The following CDH23 variants were observed in gnomAD, a reference collection of about 807,000 sequenced individuals.
CDH23 encodes the protein cadherin-23.
In CDH23, 189 loss-of-function variants were observed where a neutral mutation model predicts 317.1. The ratio of observed to expected loss-of-function variants is 0.60; its 90% CI spans 0.53 to 0.67. The LOEUF is 0.67. Among genes scored for constraint, CDH23 ranks in the 30% least tolerant of loss-of-function variants. The probability of loss-of-function intolerance (pLI) is 0.00; values close to 1 mark genes in which losing one functional copy is unlikely to be tolerated. For synonymous variants in CDH23, 1,839 were observed against 1,876.8 expected (o/e 0.98, Z 0.52); for missense variants, 4,401 against 4,592.4 (o/e 0.96, Z 1.20).
At chr10:71,508,240 T>C (rs1853755381) in intron 3 of CDH23, 1 of 152,240 alleles carries the variant, frequency 6.6e-6, no homozygotes, top group South Asian at 2.1e-4. Context: ...GTCCAATGTC[T>C]TCCTTTTCCA....
At chr10:71,674,523 C>G (rs1290658681) in intron 14 of CDH23, among the ~76,000 whole-genome samples, 1 of 152,180 alleles carries the variant, frequency 6.6e-6, no homozygotes, top group Non-Finnish European at 1.5e-5. Context: ...GGGAAGAGAG[C>G]AGAGGTCACA....
At chr10:71,812,101 G>A (rs1589439119) in intron 66 of CDH23, 86 bp downstream of exon 66, 2 of 1,608,934 alleles carry the variant, frequency 1.2e-6, no homozygotes, top group Middle Eastern at 1.7e-4. Flanking sequence ...CCCAGCGCTG[G>A]GGCTGCCGAA....
chr10:71,484,312 G>A lies in CDH23; in HGVS notation c.146-25770G>A, dbSNP rs184563522. Among the ~76,000 whole-genome samples, 15 of 152,348 alleles carry A rather than the reference G, an allele frequency of 9.8e-5. No individual in the cohort carries two copies. The East Asian group carries it at 2.9e-3, about 29-fold the overall frequency. On this transcript the variant is annotated intron_variant, in intron 3 of 69. Coordinates refer to ENST00000224721, the MANE Select transcript of CDH23 (RefSeq NM_022124.6). ...GCAGACAGGGCCAAAGTGCTTGCAA[G>A]ACACCTGCCAAGTACCGTCCTCTCT...
chr10:71,487,903 T>G (rs889549893), intron 3 of CDH23, among the ~76,000 whole-genome samples: 1 of 152,264 alleles, frequency 6.6e-6, no homozygotes, highest in Non-Finnish European at 1.5e-5. Context: ...TTTTGCTTAT[T>G]AATGCTCTTT....
intron 3 of CDH23, among the ~76,000 whole-genome samples, chr10:71,500,508 T>C (rs116305047): frequency 0.01 from 1,587 of 152,262 alleles, 24 homozygotes; most frequent in African/African-American, 0.035. Flanking sequence ...AAAGCCAGGG[T>C]GCTAGAGGGG....
At chr10:71,443,681 C>T (rs886582690) in intron 2 of CDH23, among the ~76,000 whole-genome samples, 1 of 152,232 alleles carries the variant, frequency 6.6e-6, no homozygotes, top group Admixed American at 6.5e-5. Context: ...AGAGAGGGGT[C>T]CTGCACTTGG....
chr10:71,718,560 C>A (rs1866400206), intron 28 of CDH23, among the ~76,000 whole-genome samples: 3 of 152,230 alleles, frequency 2.0e-5, no homozygotes, highest in Non-Finnish European at 2.9e-5. Flanking sequence ...TGGGGTGTGC[C>A]CACCGCTCAT....
intron 38 of CDH23, among the ~76,000 whole-genome samples, chr10:71,763,263 C>T (rs1265147271): frequency 6.6e-6 from 1 of 152,250 alleles, no homozygotes; most frequent in Admixed American, 6.5e-5. Flanking sequence ...CTGCCTTGGC[C>T]TCTCAAAGTC....
In CDH23 at chr10:71,690,463, T is replaced by C. The variant is rs1471610985; in HGVS notation, c.2060-5T>C. ...CCCCCTGCCCCCACCTTTTTCCCCC[T>C]GAAGGAGCCACGGTGCTGTTCCTGA... On this transcript the variant is annotated splice_region_variant and splice_polypyrimidine_tract_variant and intron_variant, in intron 19 of 69. Transcript: ENST00000224721. 1 of 1,590,238 alleles carries C rather than the reference T, an allele frequency of 6.3e-7. No homozygotes were observed. The highest frequency in any genetic ancestry group is 1.3e-5 in the African/African-American group (1 of 74,436).
intron 9 of CDH23, among the ~76,000 whole-genome samples, chr10:71,593,235 G>T (rs1225284395): frequency 6.6e-6 from 1 of 152,200 alleles, no homozygotes; most frequent in South Asian, 2.1e-4. Flanking sequence ...AGGAAAGGAT[G>T]ACTTGTTTAG....
At chr10:71,532,700 C>CTTTTT (rs1855446648) in intron 6 of CDH23, among the ~76,000 whole-genome samples, 2 of 131,544 alleles carry the variant, frequency 1.5e-5, no homozygotes, top group Admixed American at 7.8e-5. Flanking sequence ...GGCAAGTTTT[C>CTTTTT]TTTTGTTTTT....
chr10:71,519,984 A>G (rs1854572241), intron 6 of CDH23, among the ~76,000 whole-genome samples: 2 of 151,952 alleles, frequency 1.3e-5, no homozygotes, highest in Non-Finnish European at 2.9e-5. Flanking sequence ...GGCCACCAGC[A>G]TTTTGTAGAG....
chr10:71,671,871 G>A (rs1280461803), intron 14 of CDH23, among the ~76,000 whole-genome samples: 1 of 152,156 alleles, frequency 6.6e-6, no homozygotes, highest in Non-Finnish European at 1.5e-5. Flanking sequence ...GTGGAGTTCT[G>A]GTCAAAATTA....
intron 55 of CDH23, 84 bp downstream of exon 55, chr10:71,803,504 A>C: frequency 8.0e-7 from 1 of 1,252,656 alleles, no homozygotes; most frequent in Non-Finnish European, 1.1e-6. Context: ...CCCCACTCTA[A>C]AGGTGGGGAA....
At chr10:71,510,054 C>T (rs759540236) in intron 3 of CDH23, 28 bp from the exon 4 acceptor site, 2 of 1,613,914 alleles carry the variant, frequency 1.2e-6, no homozygotes, top group Non-Finnish European at 1.7e-6. Context: ...TCTTATTTTC[C>T]CTCTGCTCTC....
intron 9 of CDH23, among the ~76,000 whole-genome samples, chr10:71,583,225 G>A (rs1317191917): frequency 1.3e-5 from 2 of 150,260 alleles, no homozygotes; most frequent in Non-Finnish European, 3.0e-5. Flanking sequence ...GCGTGGCCGG[G>A]CAGAGTGCAC....
rs776230069 is a variant in CDH23, at chr10:71,759,846, C to CACATACACACACACACACAT, written c.4846-17833_4846-17832insCATACACACACACACACATA. On this transcript the variant is annotated intron_variant, in intron 38 of 69. Coordinates refer to ENST00000224721, the MANE Select transcript of CDH23 (RefSeq NM_022124.6). ...ACACACACACACACACACACACACA[C>CACATACACACACACACACAT]ATATACACACACACACACATATATA... Among the ~76,000 whole-genome samples, 2 of 59,932 alleles carry CACATACACACACACACACAT rather than the reference C, an allele frequency of 3.3e-5. 1 individual carries two copies. Among genetic ancestry groups the CACATACACACACACACACAT allele is most frequent in the Non-Finnish European group, 6.9e-5 (2 of 29,058 alleles). 39.3% of individuals were successfully genotyped at this position (59,932 alleles called of 152,430 possible).
intron 3 of CDH23, among the ~76,000 whole-genome samples, chr10:71,491,529 GT>G (rs1852659366): frequency 6.6e-6 from 1 of 152,196 alleles, no homozygotes; most frequent in Non-Finnish European, 1.5e-5. Context: ...TGGCCAAGGT[GT>G]TTTTGGAGGA....
rs142628681 is a variant in CDH23 at position 71,593,771 on chromosome 10, G to A, written c.832+15779G>A. 1.4e-4 allele frequency among the ~76,000 whole-genome samples: 21 copies of A among 152,322 alleles called. No individual in the cohort carries two copies. In the East Asian group the frequency reaches 3.7e-3, roughly 27 times the overall value. ...CCTCTTCACACCCCACATTGACACA[G>A]GAGCCAAATCCTCCCTGTTTTTGTG... On this transcript the variant is annotated intron_variant, in intron 9 of 69. Transcript: ENST00000224721.
Sources: allele counts gnomAD v4.1 joint callset (sites outside exome capture counted in the v4.1 genomes callset), GRCh38; gene constraint gnomAD v4.1.1; transcripts MANE v1.5; gene names NCBI Gene and HGNC (gene_info 2026-07-23, HGNC 2026-07-21).